The following TSR1 variants were observed in gnomAD, a reference collection of about 807,000 sequenced individuals.
TSR1 encodes pre-rRNA-processing protein TSR1 homolog.
In TSR1, 81 loss-of-function variants were observed where a neutral mutation model predicts 90.9. The observed-to-expected ratio is 0.89, with a 90% CI of 0.74 to 1.07. TSR1 has a LOEUF of 1.07. Among genes scored for constraint, TSR1 ranks in the 50% least tolerant of loss-of-function variants. The probability of loss-of-function intolerance (pLI) is 0.00; values close to 1 mark genes in which losing one functional copy is unlikely to be tolerated. For missense variants in TSR1, 989 were observed against 987.3 expected, an observed-to-expected ratio of 1.00 and a Z score of -0.02; for synonymous variants, 362 against 348.8, an observed-to-expected ratio of 1.04 and a Z score of -0.42.
intron 5 of TSR1, 136 bp from the exon 6 acceptor site, chr17:2,333,852 T>G (rs2064025493): frequency 9.2e-7 from 1 of 1,091,044 alleles, no homozygotes; most frequent in African/African-American, 1.6e-5. Context: ...TTGTCAAAAC[T>G]TTTCCAATGG....
chr17:2,324,358 CAT>C lies in TSR1; in HGVS notation c.2251_2252del (p.Met751GlufsTer5), dbSNP rs777997931. On this transcript the variant is annotated frameshift_variant, in exon 15 of 15. Coordinates refer to ENST00000301364, the MANE Select transcript of TSR1 (RefSeq NM_018128.5). LOFTEE classifies it high-confidence loss of function. ...IKEPLGTHGH[M>X]KCSFDGKLKS... is the part of the protein sequence containing the mutation. ...TTAGCTTCCCATCAAAGCTGCATTT[CAT>C]GTGGCCATGGGTACCTAGAAAGACA... The C allele has an allele frequency of 5.8e-6, 9 of 1,564,976 alleles. No individual in the cohort carries two copies. The highest frequency in any genetic ancestry group is 8.6e-7 in the Non-Finnish European group (1 of 1,159,096).
chr17:2,324,313 C>T lies in TSR1; in HGVS notation c.2298G>A (p.Leu766=). 6.4e-7 allele frequency: 1 copy of T among 1,568,120 alleles called. No homozygotes were observed. Among genetic ancestry groups the T allele is most frequent in the South Asian group, 1.2e-5 (1 of 81,968 alleles). Residue 766 remains leucine (L), a synonymous_variant, in exon 15 of 15, where the codon CTG becomes CTA. Coordinates refer to ENST00000301364, the MANE Select transcript of TSR1 (RefSeq NM_018128.5). ...GGAAGACTCGTTTATACAGGTTCATCAGTACTGTGTCTTGAGATTTTAGCT... is the reference window on the plus strand; with the variant it reads ...GGAAGACTCGTTTATACAGGTTCATTAGTACTGTGTCTTGAGATTTTAGCT... ...DGKLKSQDTV[L]MNLYKRVFPK... is the part of the protein sequence containing the mutation.
chr17:2,335,828 A>G, intron 2 of TSR1, 98 bp from the exon 3 acceptor site: 1 of 1,401,350 alleles, frequency 7.1e-7, no homozygotes, highest in Non-Finnish European at 9.7e-7. Flanking sequence ...ACCCAAAACC[A>G]GCATCTCTCT....
chr17:2,332,617 A>ACC, intron 7 of TSR1, among the ~76,000 whole-genome samples: 1 of 152,178 alleles, frequency 6.6e-6, no homozygotes, highest in Non-Finnish European at 1.5e-5. Context: ...CAGGCGGATC[A>ACC]TGAGGTCAGG....
rs532134744 is a variant in TSR1 at position 2,325,942 on chromosome 17, T to G, written c.1904-522A>C. Among the ~76,000 whole-genome samples, 13 of 152,258 alleles carry G rather than the reference T, an allele frequency of 8.5e-5. No individual in the cohort carries two copies. In the East Asian group the frequency reaches 2.5e-3, roughly 29 times the overall value. On this transcript the variant is annotated intron_variant, in intron 11 of 14. Transcript: ENST00000301364. Reference sequence around the variant, plus strand: ...GTAACTTTTTATTTATTTATTTATTTTGAGATGGTGTCTCGCTCTTGTTGC... The same window carrying G: ...GTAACTTTTTATTTATTTATTTATTGTGAGATGGTGTCTCGCTCTTGTTGC...
chr17:2,323,153 G>C lies in TSR1; in HGVS notation c.*1043C>G. On this transcript the variant is annotated 3_prime_UTR_variant, in exon 15 of 15. Coordinates refer to ENST00000301364, the MANE Select transcript of TSR1 (RefSeq NM_018128.5). ...CTTCCCAGGCTCTGAAACCTAGTGT[G>C]AAGGTATATGCTGCTGAACCCTCAA... 6.2e-7 allele frequency: 1 copy of C among 1,614,208 alleles called. No individual in the cohort carries two copies.
rs2064047291 is a variant in TSR1 at position 2,335,322 on chromosome 17, C to G, written c.494G>C (p.Gly165Ala). The change falls in exon 4 of 15, where the codon GGC becomes GCC. Residue 165 changes from glycine to alanine, a missense_variant. Physicochemically the swap from Gly to Ala is moderately conservative, Grantham distance 60. Coordinates refer to ENST00000301364, the MANE Select transcript of TSR1 (RefSeq NM_018128.5). ...ACAGTAATCACCGGTGCTGTCCCAG[C>G]CTTCTAGTGGATCAAGGAGGAACAG... ...TILFLLDPLEGWDSTGDYCLS... is the reference protein window; with the variant it reads ...TILFLLDPLEAWDSTGDYCLS... The G allele has an allele frequency of 3.1e-6, 5 of 1,613,918 alleles. No homozygotes were observed. Among genetic ancestry groups the G allele is most frequent in the African/African-American group, 1.3e-5 (1 of 74,886 alleles).
At chr17:2,326,501 C>T (rs960018673) in intron 11 of TSR1, among the ~76,000 whole-genome samples, 1 of 152,168 alleles carries the variant, frequency 6.6e-6, no homozygotes, top group East Asian at 1.9e-4. Flanking sequence ...CCTTCACCCA[C>T]ACTGCCCTTG....
intron 11 of TSR1, among the ~76,000 whole-genome samples, chr17:2,327,919 C>A (rs2075584106): frequency 6.6e-6 from 1 of 151,550 alleles, no homozygotes; most frequent in Non-Finnish European, 1.5e-5. Flanking sequence ...GAAAATAGTT[C>A]ATCCTAAAAA....
Position 2,323,603 on chromosome 17 carries a change from A to C in TSR1, c.*593T>G. 1 of 1,582,430 alleles carries C rather than the reference A, an allele frequency of 6.3e-7. No homozygotes were observed. Among genetic ancestry groups the C allele is most frequent in the Non-Finnish European group, 8.7e-7 (1 of 1,152,694 alleles). Reference sequence around the variant, plus strand: ...GTATTCTCATCTGAACTTTATAGGTAAACCAACTAGACTCCCCTTTCACTA... The same window carrying C: ...GTATTCTCATCTGAACTTTATAGGTCAACCAACTAGACTCCCCTTTCACTA... On this transcript the variant is annotated 3_prime_UTR_variant, in exon 15 of 15. Transcript: ENST00000301364.
In TSR1 at chr17:2,325,313, T is replaced by C. The variant is rs1261078039; in HGVS notation, c.2011A>G (p.Lys671Glu). The C allele has an allele frequency of 1.2e-6, 2 of 1,611,348 alleles. No homozygotes were observed. Among genetic ancestry groups the C allele is most frequent in the Non-Finnish European group, 1.7e-6 (2 of 1,179,376 alleles). ...CTGTGGCTCAACTTACCATTGCTTTTTTGCTTGAAAAGCAGCACAGATGCA... is the reference window on the plus strand; with the variant it reads ...CTGTGGCTCAACTTACCATTGCTTTCTTGCTTGAAAAGCAGCACAGATGCA... ...PPASVLLFKQ[K>E]SNGMHSLIAT... The change falls in exon 12 of 15, where the codon AAA becomes GAA. Residue 671 changes from lysine (K) to glutamate (E), a missense_variant. Transcript: ENST00000301364.
In TSR1 at chr17:2,335,254, A is replaced by G. The variant is rs768127713; in HGVS notation, c.556+6T>C. The G allele has an allele frequency of 2.5e-6, 4 of 1,613,242 alleles. No individual in the cohort carries two copies. In the East Asian group the frequency reaches 8.9e-5, roughly 36 times the overall value. ...AAAGGTGCACAATAAATGCTAACTC[A>G]CTTACTATAGGTCGGAAGGCCCTGA... On this transcript the variant is annotated splice_donor_region_variant and intron_variant, in intron 4 of 14. Transcript: ENST00000301364.
intron 5 of TSR1, among the ~76,000 whole-genome samples, chr17:2,334,045 A>G (rs900061959): frequency 1.1e-4 from 17 of 152,040 alleles, no homozygotes; most frequent in African/African-American, 3.4e-4. Flanking sequence ...ATCTTCTAGG[A>G]TATTCTTTTA....
chr17:2,327,655 C>T (rs1029807091), intron 11 of TSR1, among the ~76,000 whole-genome samples: 10 of 152,148 alleles, frequency 6.6e-5, no homozygotes, highest in African/African-American at 2.4e-4. Flanking sequence ...CAGTACATCA[C>T]ATACACTGGA....
intron 7 of TSR1, 111 bp downstream of exon 7, chr17:2,332,850 A>T (rs888503206): frequency 1.4e-5 from 16 of 1,114,746 alleles, no homozygotes; most frequent in African/African-American, 6.4e-5. Flanking sequence ...AAAAAAAAAT[A>T]AAAAAAATAA....
rs757648255 is a variant in TSR1 at position 2,324,689 on chromosome 17, C to T, written c.2161G>A (p.Glu721Lys). ...TCCCATCCTCCTCCTTCATACCCAC[C>T]TCTGTTGAAGAACATGTAACGTACT... ...AVVRYMFFNR[E>K]DVLWFKPVEL... is the part of the protein sequence containing the mutation. Residue 721 changes from glutamate to lysine, a missense_variant and splice_region_variant, in exon 13 of 15, where the codon GAG becomes AAG. Physicochemically the swap from Glu to Lys is moderately conservative, Grantham distance 56 (BLOSUM62 1). Coordinates refer to ENST00000301364, the MANE Select transcript of TSR1 (RefSeq NM_018128.5). 1 of 1,614,130 alleles carries T rather than the reference C, an allele frequency of 6.2e-7. No homozygotes were observed. Among genetic ancestry groups the T allele is most frequent in the Non-Finnish European group, 8.5e-7 (1 of 1,180,032 alleles).
chr17:2,324,329 G>A lies in TSR1; in HGVS notation c.2282C>T (p.Ser761Phe). Reference sequence around the variant, plus strand: ...CAGGTTCATCAGTACTGTGTCTTGAGATTTTAGCTTCCCATCAAAGCTGCA... The same window carrying A: ...CAGGTTCATCAGTACTGTGTCTTGAAATTTTAGCTTCCCATCAAAGCTGCA... ...MKCSFDGKLK[S>F]QDTVLMNLYK... is the part of the protein sequence containing the mutation. Residue 761 changes from serine (S) to phenylalanine (F), a missense_variant, in exon 15 of 15, where the codon TCT (serine) becomes TTT (phenylalanine). Coordinates refer to ENST00000301364, the MANE Select transcript of TSR1 (RefSeq NM_018128.5). 1.3e-6 allele frequency: 2 copies of A among 1,565,480 alleles called. No homozygotes were observed. Among genetic ancestry groups the A allele is most frequent in the Non-Finnish European group, 1.7e-6 (2 of 1,159,304 alleles).
intron 4 of TSR1, 122 bp from the exon 5 acceptor site, chr17:2,335,018 T>C (rs2064041850): frequency 8.8e-7 from 1 of 1,140,066 alleles, no homozygotes; most frequent in Non-Finnish European, 1.2e-6. Flanking sequence ...AGCCCAACAC[T>C]GAACTACCCT....
chr17:2,335,139 T>G, intron 4 of TSR1, 121 bp downstream of exon 4: 1 of 1,195,188 alleles, frequency 8.4e-7, no homozygotes. Flanking sequence ...GGATCAAGTT[T>G]AATCCATATG....
Sources: allele counts gnomAD v4.1 joint callset (sites outside exome capture counted in the v4.1 genomes callset), GRCh38; gene constraint gnomAD v4.1.1; transcripts MANE v1.5; gene names NCBI Gene and HGNC (gene_info 2026-07-23, HGNC 2026-07-21).